Variants in NLN observed in about 807,000 individuals in gnomAD.
NLN encodes the protein neurolysin, mitochondrial.
In NLN, 64 loss-of-function variants were observed where a neutral mutation model predicts 79.9. The ratio of observed to expected loss-of-function variants is 0.80; its 90% CI spans 0.65 to 0.99. The LOEUF is 0.99. NLN is among the 50% of genes least tolerant of loss of function. The probability of loss-of-function intolerance (pLI) is 0.00; values close to 1 mark genes in which losing one functional copy is unlikely to be tolerated. For missense variants in NLN, 835 were observed against 858.7 expected, an observed-to-expected ratio of 0.97 and a Z score of 0.34; for synonymous variants, 267 against 296.6, an observed-to-expected ratio of 0.90 and a Z score of 1.02.
chr5:65,814,816 T>C (rs1017223355), intron 12 of NLN, among the ~76,000 whole-genome samples: 1 of 152,222 alleles, frequency 6.6e-6, no homozygotes, highest in Non-Finnish European at 1.5e-5. Flanking sequence ...AATAAGCTTT[T>C]ACTATGTCTG....
intron 9 of NLN, among the ~76,000 whole-genome samples, chr5:65,800,658 A>C (rs1760264888): frequency 8.0e-6 from 1 of 124,246 alleles, no homozygotes. Context: ...AGTGAAGAAA[A>C]CTCTCTTATT....
intron 1 of NLN, among the ~76,000 whole-genome samples, chr5:65,730,824 T>C (rs1758589251): frequency 6.6e-6 from 1 of 152,174 alleles, no homozygotes; most frequent in Non-Finnish European, 1.5e-5. Context: ...AGTGCTGGGA[T>C]TACAGGCGTG....
intron 9 of NLN, chr5:65,793,193 T>C: frequency 5.1e-6 from 1 of 195,210 alleles, no homozygotes; most frequent in South Asian, 8.8e-5. Context: ...CTGATTTTTT[T>C]ATTTCTGAAA....
At chr5:65,760,865 C>T (rs1759321906) in intron 2 of NLN, among the ~76,000 whole-genome samples, 1 of 152,184 alleles carries the variant, frequency 6.6e-6, no homozygotes, top group Admixed American at 6.5e-5. Context: ...AATTGTTTTT[C>T]TCTCAATAGT....
At chr5:65,724,437 T>C (rs1354242345) in intron 1 of NLN, among the ~76,000 whole-genome samples, 1 of 152,236 alleles carries the variant, frequency 6.6e-6, no homozygotes. Flanking sequence ...TTTTTAAAAC[T>C]GAATAATATT....
At chr5:65,774,782 T>C (rs1301441) in intron 3 of NLN, among the ~76,000 whole-genome samples, 40,878 of 150,786 alleles carry the variant, frequency 0.27, 6,649 homozygotes, top group East Asian at 0.54. Flanking sequence ...CAGAATGCAG[T>C]GGCACGATCT....
chr5:65,787,722 C>G (rs1759961903), intron 7 of NLN, among the ~76,000 whole-genome samples: 1 of 152,292 alleles, frequency 6.6e-6, no homozygotes, highest in South Asian at 2.1e-4. Context: ...CCCTAGCTTT[C>G]TTAGGAGTCT....
intron 1 of NLN, among the ~76,000 whole-genome samples, chr5:65,736,283 G>GATT (rs1758726140): frequency 6.6e-6 from 1 of 152,134 alleles, no homozygotes; most frequent in Non-Finnish European, 1.5e-5. Flanking sequence ...ACTGTTGTAA[G>GATT]ATATTTCATT....
In NLN at chr5:65,828,376, G is replaced by A. The variant is rs989184095; in HGVS notation, c.*5461G>A. On this transcript the variant is annotated 3_prime_UTR_variant, in exon 13 of 13. Coordinates refer to ENST00000380985, the MANE Select transcript of NLN (RefSeq NM_020726.5). ...AAGCAGACTTTGGCCAAGTAGTACA[G>A]TGTTTGCAGGAGCAGTAACAAGATG... 2.6e-5 allele frequency: 4 copies of A among 152,212 alleles called. No homozygotes were observed. 9.4% of individuals were successfully genotyped at this position (152,212 alleles called of 1,614,324 possible).
intron 9 of NLN, among the ~76,000 whole-genome samples, chr5:65,796,581 C>T (rs1362170912): frequency 1.3e-5 from 2 of 152,228 alleles, no homozygotes; most frequent in Non-Finnish European, 2.9e-5. Context: ...GTCATATCTT[C>T]ATGAGATTAT....
chr5:65,763,049 C>T lies in NLN; in HGVS notation c.391C>T (p.Arg131Cys), dbSNP rs769193581. Residue 131 changes from arginine (R) to cysteine (C), a missense_variant, in exon 3 of 13, where the codon CGT (arginine) becomes TGT (cysteine). Physicochemically the swap from Arg to Cys is radical, Grantham distance 180. Coordinates refer to ENST00000380985, the MANE Select transcript of NLN (RefSeq NM_020726.5). ...ASTEADKRLS[R>C]FDIEMSMRGD... ...TACAGAAGCAGACAAAAGACTTTCTCGTTTTGATATTGAGATGAGCATGAG... is the reference window on the plus strand; with the variant it reads ...TACAGAAGCAGACAAAAGACTTTCTTGTTTTGATATTGAGATGAGCATGAG... 1.7e-5 allele frequency: 27 copies of T among 1,613,316 alleles called. No individual in the cohort carries two copies. The highest frequency in any genetic ancestry group is 1.5e-4 in the African/African-American group (11 of 74,806).
Position 65,822,881 on chromosome 5 carries a change from C to A in NLN, c.2081C>A (p.Ala694Glu). ...TTGAAACGTGAGCCAAACCAAAAAG[C>A]GTTCCTAATGAGTAGAGGCCTGCAT... ...NFLKREPNQK[A>E]FLMSRGLHAP Residue 694 changes from alanine to glutamate, a missense_variant, in exon 13 of 13, where the codon GCG becomes GAG. Ala to Glu is a moderately radical substitution (Grantham distance 107, BLOSUM62 -1). Transcript: ENST00000380985. 1 of 1,613,160 alleles carries A rather than the reference C, an allele frequency of 6.2e-7. No individual in the cohort carries two copies. Among genetic ancestry groups the A allele is most frequent in the East Asian group, 2.2e-5 (1 of 44,880 alleles).
chr5:65,801,302 T>C (rs1199319530), intron 9 of NLN, among the ~76,000 whole-genome samples: 1 of 152,248 alleles, frequency 6.6e-6, no homozygotes, highest in African/African-American at 2.4e-5. Context: ...TTCTTTGGAT[T>C]ATAGTTTAAA....
chr5:65,796,055 G>A (rs1032866147), intron 9 of NLN, among the ~76,000 whole-genome samples: 1 of 152,062 alleles, frequency 6.6e-6, no homozygotes, highest in African/African-American at 2.4e-5. Context: ...ATTCCAAAAG[G>A]CTCACAGACC....
chr5:65,823,138 A>G lies in NLN; in HGVS notation c.*223A>G, dbSNP rs1760837473. On this transcript the variant is annotated 3_prime_UTR_variant, in exon 13 of 13. Coordinates refer to ENST00000380985, the MANE Select transcript of NLN (RefSeq NM_020726.5). ...GTAATTGTACTATAAAATTTCATAA[A>G]ACTGGATTTGATTTCTTTTTATGAA... 1 of 420,150 alleles carries G rather than the reference A, an allele frequency of 2.4e-6. No homozygotes were observed. Among genetic ancestry groups the G allele is most frequent in the Admixed American group, 4.0e-5 (1 of 24,910 alleles). 26.0% of individuals were successfully genotyped at this position (420,150 alleles called of 1,614,324 possible).
chr5:65,778,544 A>G (rs1759728353), intron 4 of NLN, among the ~76,000 whole-genome samples: 1 of 152,146 alleles, frequency 6.6e-6, no homozygotes, highest in African/African-American at 2.4e-5. Flanking sequence ...TTCCTGGTCA[A>G]TTCTTAATTC....
At chr5:65,792,360 A>C in intron 8 of NLN, 94 bp from the exon 9 acceptor site, 1 of 748,196 alleles carries the variant, frequency 1.3e-6, no homozygotes, top group Non-Finnish European at 2.3e-6. Context: ...CATCTCTGGT[A>C]ACAGATATGG....
intron 1 of NLN, among the ~76,000 whole-genome samples, chr5:65,738,975 A>ATTT (rs1758804412): frequency 4.5e-5 from 1 of 22,340 alleles, no homozygotes; most frequent in Non-Finnish European, 9.2e-5. Context: ...ATATAAATAT[A>ATTT]TATATTATAT....
chr5:65,752,877 A>G (rs1197207872), intron 1 of NLN, among the ~76,000 whole-genome samples: 1 of 152,230 alleles, frequency 6.6e-6, no homozygotes, highest in African/African-American at 2.4e-5. Context: ...AGAAGGTGAG[A>G]AAAAAAGTAT....
Sources: allele counts gnomAD v4.1 joint callset (sites outside exome capture counted in the v4.1 genomes callset), GRCh38; gene constraint gnomAD v4.1.1; transcripts MANE v1.5; gene names NCBI Gene and HGNC (gene_info 2026-07-23, HGNC 2026-07-21).